The following COL21A1 variants were observed in gnomAD, a reference collection of about 807,000 sequenced individuals.
The protein encoded by COL21A1 is collagen type XXI alpha 1 chain.
In COL21A1, 149 loss-of-function variants were observed where a neutral mutation model predicts 137.9. That is an observed-to-expected ratio of 1.08 (90% confidence interval 0.95 to 1.24). COL21A1 has a LOEUF of 1.24. Among genes scored for constraint, COL21A1 ranks in the 50% most tolerant of loss-of-function variants. The pLI, the probability that COL21A1 is intolerant of heterozygous loss-of-function variation, is 0.00. For missense variants in COL21A1, 1,167 were observed against 1,158.4 expected (o/e 1.01, Z -0.11); for synonymous variants, 456 against 391.5 (o/e 1.16, Z -1.95).
chr6:56,138,529 T>A (rs1017681586), intron 12 of COL21A1, among the ~76,000 whole-genome samples: 3 of 151,542 alleles, frequency 2.0e-5, no homozygotes, highest in African/African-American at 7.3e-5. Context: ...TCTAGGAGCA[T>A]GTGGTATCCC....
At chr6:56,325,253 C>T (rs746851534) in intron 1 of COL21A1, among the ~76,000 whole-genome samples, 1 of 87,818 alleles carries the variant, frequency 1.1e-5, no homozygotes, top group Non-Finnish European at 2.1e-5. Flanking sequence ...TTTTTTTCTC[C>T]CTTAAATAAT....
At chr6:56,275,525 CAAAT>C (rs1387802162) in intron 1 of COL21A1, among the ~76,000 whole-genome samples, 1 of 151,954 alleles carries the variant, frequency 6.6e-6, no homozygotes, top group Non-Finnish European at 1.5e-5. Flanking sequence ...AGGAAAAAAA[CAAAT>C]AATCCCGTTA....
At chr6:56,301,885 G>T (rs1454393457) in intron 1 of COL21A1, among the ~76,000 whole-genome samples, 1 of 151,596 alleles carries the variant, frequency 6.6e-6, no homozygotes. Context: ...AGGCCCCGGT[G>T]TGTGATGTTC....
At chr6:56,163,573 G>A (rs562854629) in intron 9 of COL21A1, among the ~76,000 whole-genome samples, 1 of 152,254 alleles carries the variant, frequency 6.6e-6, no homozygotes, top group South Asian at 2.1e-4. Flanking sequence ...GCCGGGCGCA[G>A]TGGTGATCGC....
intron 16 of COL21A1, among the ~76,000 whole-genome samples, chr6:56,119,545 T>C (rs1772264929): frequency 6.6e-6 from 1 of 152,054 alleles, no homozygotes; most frequent in Admixed American, 6.6e-5. Flanking sequence ...TTCAGAAACA[T>C]ACAAAAACCA....
intron 1 of COL21A1, among the ~76,000 whole-genome samples, chr6:56,323,630 C>CGG (rs1764929060): frequency 6.6e-6 from 1 of 152,026 alleles, no homozygotes; most frequent in Non-Finnish European, 1.5e-5. Flanking sequence ...ACTCGTGATC[C>CGG]ACCCTCCTCA....
intron 1 of COL21A1, among the ~76,000 whole-genome samples, chr6:56,303,246 GT>G (rs1764348087): frequency 2.0e-5 from 3 of 152,184 alleles, no homozygotes; most frequent in Admixed American, 1.3e-4. Context: ...CTTTAAAGTA[GT>G]TTTTTCCAAT....
chr6:56,389,360 A>AAAAAC (rs1217853384), intron 1 of COL21A1, among the ~76,000 whole-genome samples: 2 of 152,094 alleles, frequency 1.3e-5, no homozygotes, highest in African/African-American at 2.4e-5. Flanking sequence ...CTCCATCTCA[A>AAAAAC]AAAACAAAAC....
intron 1 of COL21A1, among the ~76,000 whole-genome samples, chr6:56,351,605 A>G (rs750158593): frequency 6.6e-6 from 1 of 152,346 alleles, no homozygotes; most frequent in Non-Finnish European, 1.5e-5. Flanking sequence ...GCACATGTGT[A>G]TAATGCACCC....
intron 1 of COL21A1, among the ~76,000 whole-genome samples, chr6:56,229,921 T>A (rs1781446361): frequency 6.6e-6 from 1 of 151,908 alleles, no homozygotes; most frequent in Non-Finnish European, 1.5e-5. Context: ...ATTTTTATGG[T>A]AGTGTTTTTT....
intron 1 of COL21A1, among the ~76,000 whole-genome samples, chr6:56,373,548 G>C (rs1390561313): frequency 1.3e-5 from 2 of 152,232 alleles, no homozygotes; most frequent in Non-Finnish European, 2.9e-5. Context: ...GTTTCAGTGA[G>C]CTGAGATCGG....
chr6:56,057,770 G>T lies in COL21A1; in HGVS notation c.2761C>A (p.His921Asn). Residue 921 changes from histidine (H) to asparagine (N), a missense_variant, in exon 30 of 30, where the codon CAT (histidine) becomes AAT (asparagine). By Grantham distance (68) the His-to-Asn change is moderately conservative. Coordinates refer to ENST00000244728, the MANE Select transcript of COL21A1 (RefSeq NM_030820.4). ...DPGLPGKDGDHGKPGIQGQPG... is the reference protein window; with the variant it reads ...DPGLPGKDGDNGKPGIQGQPG... ...TGCCCTTGGATTCCAGGTTTTCCAT[G>T]GTCTCCATCTTTGCCAGGGAGACCT... 6.2e-7 allele frequency: 1 copy of T among 1,609,560 alleles called. No homozygotes were observed. The highest frequency in any genetic ancestry group is 2.2e-5 in the East Asian group (1 of 44,512).
intron 1 of COL21A1, among the ~76,000 whole-genome samples, chr6:56,350,821 G>A (rs756892551): frequency 2.6e-5 from 4 of 152,208 alleles, no homozygotes; most frequent in Non-Finnish European, 4.4e-5. Context: ...GCGTTAGTGC[G>A]AAATGCCCAC....
At chr6:56,286,640 A>C (rs559125929) in intron 1 of COL21A1, among the ~76,000 whole-genome samples, 17 of 152,326 alleles carry the variant, frequency 1.1e-4, no homozygotes, top group African/African-American at 4.1e-4. Flanking sequence ...CGGTTTTGTG[A>C]ATTGGTATGC....
In COL21A1 at chr6:56,166,994, A is replaced by G; in HGVS notation, c.1201-11T>C. On this transcript the variant is annotated splice_polypyrimidine_tract_variant and intron_variant, in intron 6 of 29. Coordinates refer to ENST00000244728, the MANE Select transcript of COL21A1 (RefSeq NM_030820.4). Reference sequence around the variant, plus strand: ...CTTTTGGACATCAAACTAAGAACATAAACCCAGTAGAATTAAAGTTGAGGC... The same window carrying G: ...CTTTTGGACATCAAACTAAGAACATGAACCCAGTAGAATTAAAGTTGAGGC... 1 of 1,603,076 alleles carries G rather than the reference A, an allele frequency of 6.2e-7. No homozygotes were observed. Among genetic ancestry groups the G allele is most frequent in the Non-Finnish European group, 8.5e-7 (1 of 1,172,834 alleles).
At chr6:56,274,931 T>C (rs1763607806) in intron 1 of COL21A1, among the ~76,000 whole-genome samples, 2 of 150,982 alleles carry the variant, frequency 1.3e-5, no homozygotes, top group Admixed American at 1.3e-4. Flanking sequence ...AGAGAATAAA[T>C]CTAGAGGCAT....
rs193102910 is a variant in COL21A1 at position 56,359,477 on chromosome 6, G to T, written c.-39+34494C>A. On this transcript the variant is annotated intron_variant, in intron 1 of 28. Transcript: ENST00000370819. ...ACTCAGTTCCCTGAATCAGATCATG[G>T]AAGTAGGTGGGGGTTGGTTGGTTTG... 6.1e-3 allele frequency among the ~76,000 whole-genome samples: 931 copies of T among 152,276 alleles called. 4 individuals carry two copies. Among genetic ancestry groups the T allele is most frequent in the Non-Finnish European group, 0.01 (692 of 68,026 alleles).
intron 16 of COL21A1, among the ~76,000 whole-genome samples, chr6:56,101,790 T>A (rs1313939773): frequency 6.6e-5 from 10 of 152,200 alleles, no homozygotes; most frequent in Non-Finnish European, 1.3e-4. Flanking sequence ...GTCATTCTTA[T>A]GAGAATAGAC....
At chr6:56,164,774 CA>C in intron 8 of COL21A1, 39 bp downstream of exon 8, 1 of 1,526,546 alleles carries the variant, frequency 6.6e-7, no homozygotes. Flanking sequence ...TCCCACAATA[CA>C]AATATTACCT....
Sources: gnomAD v4.1 joint callset for allele counts (sites outside exome capture counted in the v4.1 genomes callset) on GRCh38, gnomAD v4.1.1 for gene constraint, MANE v1.5 for transcripts, NCBI Gene and HGNC (gene_info 2026-07-23, HGNC 2026-07-21) for gene names.